GSTA4: variants seen among roughly 807,000 people sequenced by gnomAD.
GSTA4 encodes glutathione S-transferase alpha 4.
Under a neutral mutation model 24.4 loss-of-function variants are expected in GSTA4, and 15 were observed. The observed-to-expected ratio is 0.61, with a 90% CI of 0.41 to 0.95. The LOEUF (loss-of-function observed/expected upper bound fraction) is 0.95. Among genes scored for constraint, GSTA4 ranks in the 40% least tolerant of loss-of-function variants. The pLI is 0.00. For missense variants in GSTA4, 244 were observed against 262.1 expected, an observed-to-expected ratio of 0.93 and a Z score of 0.48; for synonymous variants, 92 against 94.2, an observed-to-expected ratio of 0.98 and a Z score of 0.13.
At chr6:52,988,615 C>A (rs774888843) in intron 2 of GSTA4, among the ~76,000 whole-genome samples, 2 of 151,918 alleles carry the variant, frequency 1.3e-5, no homozygotes, top group Non-Finnish European at 2.9e-5. Context: ...TCTCAAGAGT[C>A]GAAGGCATGA....
intron 3 of GSTA4, 107 bp from the exon 4 acceptor site, chr6:52,985,690 A>C: frequency 6.3e-6 from 7 of 1,115,608 alleles, no homozygotes; most frequent in Non-Finnish European, 9.3e-6. Flanking sequence ...TGGCCTTAGG[A>C]AATAGTGTAA....
Position 52,988,649 on chromosome 6 carries a change from G to A in GSTA4, c.88-1241C>T, listed in dbSNP as rs544631921. Among the ~76,000 whole-genome samples, 18 of 152,318 alleles carry A rather than the reference G, an allele frequency of 1.2e-4. No homozygotes were observed. The East Asian group carries it at 3.5e-3, about 29-fold the overall frequency. On this transcript the variant is annotated intron_variant, in intron 2 of 6. Coordinates refer to ENST00000370963, the MANE Select transcript of GSTA4 (RefSeq NM_001512.4). ...GAAAAAAAAGTCAGGTCCTGTTGAT[G>A]AAAATCAACTAGAGACTTAACAACC...
chr6:52,994,274 T>C lies in GSTA4; in HGVS notation c.-18-13A>G. 1.4e-6 allele frequency: 2 copies of C among 1,438,164 alleles called. No homozygotes were observed. Among genetic ancestry groups the C allele is most frequent in the South Asian group, 1.1e-5 (1 of 87,618 alleles). The allele number at this position is 1,438,164 out of a possible 1,614,324, so 89.1% of individuals were successfully genotyped here. ...CTTTTCAGGCTTTCTGAAATACAAA[T>C]GCAGCAGCTCGTCGCAGACCAACAG... is the stretch of plus-strand genomic sequence containing the variant. On this transcript the variant is annotated splice_polypyrimidine_tract_variant and intron_variant, in intron 1 of 6. Transcript: ENST00000370963.
Position 52,984,516 on chromosome 6 carries a change from A to G in GSTA4, c.362T>C (p.Val121Ala), listed in dbSNP as rs1763514551. The G allele has an allele frequency of 1.2e-6, 2 of 1,613,832 alleles. No individual in the cohort carries two copies. The highest frequency in any genetic ancestry group is 1.7e-6 in the Non-Finnish European group (2 of 1,179,802). ...TATAGCCTTCTGGGCCATGTTAACC[A>G]CTTCCTTTTGCTGATCATCTGGTTT... Reference protein sequence around the residue: ...FLKPDDQQKEVVNMAQKAIIR... With the variant: ...FLKPDDQQKEAVNMAQKAIIR... The change falls in exon 5 of 7, where the codon GTG (valine) becomes GCG (alanine). Residue 121 changes from valine (V) to alanine (A), a missense_variant. Val to Ala is a moderately conservative substitution (Grantham distance 64). Coordinates refer to ENST00000370963, the MANE Select transcript of GSTA4 (RefSeq NM_001512.4).
rs2127389195 is a variant in GSTA4, at chr6:52,994,405, A to G, written c.-18-144T>C. The stretch of plus-strand genomic sequence containing the variant: ...TTTGTTGCTGCATTTTCCCTCACTC[A>G]AGAAAAAAAAACCACCATTTTAAAA... On this transcript the variant is annotated intron_variant, in intron 1 of 6. Transcript: ENST00000370963. 5.5e-6 allele frequency: 3 copies of G among 545,704 alleles called. No individual in the cohort carries two copies. In the East Asian group the frequency reaches 8.5e-5, roughly 15 times the overall value. 33.8% of individuals were successfully genotyped at this position (545,704 alleles called of 1,614,324 possible).
intron 2 of GSTA4, among the ~76,000 whole-genome samples, chr6:52,990,726 G>A (rs1303245519): frequency 3.3e-5 from 5 of 152,172 alleles, no homozygotes; most frequent in African/African-American, 1.2e-4. Context: ...CAAAACCTAT[G>A]AAATAAATCA....
chr6:52,991,032 T>C (rs1456253431), intron 2 of GSTA4, among the ~76,000 whole-genome samples: 1 of 152,196 alleles, frequency 6.6e-6, no homozygotes, highest in Non-Finnish European at 1.5e-5. Flanking sequence ...ATGTGGCAAG[T>C]TGTCATAGGC....
intron 2 of GSTA4, among the ~76,000 whole-genome samples, chr6:52,990,841 G>C (rs1763646807): frequency 6.6e-6 from 1 of 152,160 alleles, no homozygotes; most frequent in Non-Finnish European, 1.5e-5. Flanking sequence ...CCTCTTAACA[G>C]TTAGCAAACA....
intron 5 of GSTA4, among the ~76,000 whole-genome samples, chr6:52,983,382 A>T (rs1257308051): frequency 2.0e-5 from 3 of 152,088 alleles, no homozygotes; most frequent in Non-Finnish European, 4.4e-5. Context: ...TTCACAGTCA[A>T]CTCTTGGATG....
chr6:52,979,354 C>T (rs1763406310), intron 6 of GSTA4, among the ~76,000 whole-genome samples: 1 of 152,222 alleles, frequency 6.6e-6, no homozygotes, highest in African/African-American at 2.4e-5. Flanking sequence ...TCTTAAGATT[C>T]AGCTTCTTCA....
intron 6 of GSTA4, among the ~76,000 whole-genome samples, chr6:52,980,310 T>TG (rs1317486582): frequency 2.3e-5 from 2 of 86,622 alleles, no homozygotes; most frequent in Non-Finnish European, 5.4e-5. Flanking sequence ...GATTTCACTT[T>TG]GTTTTTTTTT....
At chr6:52,988,706 C>T (rs561248615) in intron 2 of GSTA4, among the ~76,000 whole-genome samples, 1 of 152,208 alleles carries the variant, frequency 6.6e-6, no homozygotes, top group Non-Finnish European at 1.5e-5. Context: ...GGAGAGGAAA[C>T]TGTTATAACT....
intron 5 of GSTA4, 86 bp downstream of exon 5, chr6:52,984,378 C>G (rs1698672997): frequency 7.7e-7 from 1 of 1,292,834 alleles, no homozygotes; most frequent in Non-Finnish European, 1.1e-6. Flanking sequence ...GTTTTAAAAT[C>G]CTTGGACAGA....
At chr6:52,989,086 G>A (rs535813424) in intron 2 of GSTA4, among the ~76,000 whole-genome samples, 1 of 152,310 alleles carries the variant, frequency 6.6e-6, no homozygotes, top group Admixed American at 6.5e-5. Context: ...CCAAGATGGT[G>A]ATGAGAGTGA....
chr6:52,983,985 T>C (rs1420000350), intron 5 of GSTA4, among the ~76,000 whole-genome samples: 1 of 151,972 alleles, frequency 6.6e-6, no homozygotes, highest in Non-Finnish European at 1.5e-5. Flanking sequence ...AAAGCAGATA[T>C]AACAAGAAGA....
intron 5 of GSTA4, among the ~76,000 whole-genome samples, 199 bp from the exon 6 acceptor site, chr6:52,982,904 CGAGA>C (rs1017723991): frequency 7.4e-5 from 8 of 107,898 alleles, no homozygotes; most frequent in African/African-American, 2.0e-4. Context: ...AGAGAGAGAG[CGAGA>C]GAGAGAGAGA....
At chr6:52,988,182 T>A (rs1435304683) in intron 2 of GSTA4, among the ~76,000 whole-genome samples, 1 of 151,462 alleles carries the variant, frequency 6.6e-6, no homozygotes, top group Non-Finnish European at 1.5e-5. Context: ...GTAAGGGGAA[T>A]CCCTACCAAA....
intron 6 of GSTA4, among the ~76,000 whole-genome samples, chr6:52,981,605 T>C (rs958890775): frequency 6.6e-6 from 1 of 152,206 alleles, no homozygotes; most frequent in Non-Finnish European, 1.5e-5. Flanking sequence ...TTTTCAACCA[T>C]TTAAAAATGT....
Position 52,978,351 on chromosome 6 carries a change from A to G in GSTA4, c.*119T>C, listed in dbSNP as rs1449835420. ...TGATCTCGTTGACACAAAAGACCCAACTTAGGACCCAACTTAATACATAGA... is the reference window on the plus strand; with the variant it reads ...TGATCTCGTTGACACAAAAGACCCAGCTTAGGACCCAACTTAATACATAGA... On this transcript the variant is annotated 3_prime_UTR_variant, in exon 7 of 7. Coordinates refer to ENST00000370963, the MANE Select transcript of GSTA4 (RefSeq NM_001512.4). The G allele has an allele frequency of 1.7e-5, 17 of 1,009,730 alleles. No homozygotes were observed. The highest frequency in any genetic ancestry group is 2.5e-5 in the Non-Finnish European group (17 of 675,760). 62.5% of individuals were successfully genotyped at this position (1,009,730 alleles called of 1,614,324 possible). A position where few individuals can be genotyped will look rare whatever the true frequency, so the allele number is the denominator to read the frequency against.
Sources: allele counts gnomAD v4.1 joint callset (sites outside exome capture counted in the v4.1 genomes callset), GRCh38; gene constraint gnomAD v4.1.1; transcripts MANE v1.5; gene names NCBI Gene and HGNC (gene_info 2026-07-23, HGNC 2026-07-21).